Variants in CACNG3 observed in about 807,000 individuals in gnomAD.
The protein encoded by CACNG3 is voltage-dependent calcium channel gamma-3 subunit.
CACNG3 carries 3 observed loss-of-function variants against 28.5 expected under a neutral mutation model. The observed-to-expected ratio is 0.11, with a 90% CI of 0.05 to 0.27. The LOEUF is 0.27. CACNG3 is among the 10% of genes least tolerant of loss of function. The pLI is 1.00. For missense variants in CACNG3, 236 were observed against 414.4 expected, an observed-to-expected ratio of 0.57 and a Z score of 3.74; for synonymous variants, 174 against 162.2, an observed-to-expected ratio of 1.07 and a Z score of -0.55.
At chr16:24,352,115 G>A (rs532057180) in intron 2 of CACNG3, among the ~76,000 whole-genome samples, 2 of 150,468 alleles carry the variant, frequency 1.3e-5, no homozygotes, top group African/African-American at 4.9e-5. Flanking sequence ...AGGCCCACAG[G>A]TTAAATAAGT....
At chr16:24,332,903 G>A (rs1215503741) in intron 1 of CACNG3, among the ~76,000 whole-genome samples, 1 of 152,106 alleles carries the variant, frequency 6.6e-6, no homozygotes, top group Non-Finnish European at 1.5e-5. Context: ...AACGAAAATA[G>A]GAGGCAAAAC....
intron 2 of CACNG3, among the ~76,000 whole-genome samples, chr16:24,348,651 G>A (rs989781077): frequency 6.6e-6 from 1 of 152,156 alleles, no homozygotes; most frequent in Non-Finnish European, 1.5e-5. Context: ...AAAAGATTCA[G>A]TGTGGAGAGC....
At chr16:24,306,344 AG>A (rs1395193860) in intron 1 of CACNG3, among the ~76,000 whole-genome samples, 15 of 152,182 alleles carry the variant, frequency 9.9e-5, no homozygotes, top group African/African-American at 3.1e-4. Flanking sequence ...CAAGGTGAAA[AG>A]GCTGAACGGT....
chr16:24,340,152 T>A (rs928094574), intron 1 of CACNG3, among the ~76,000 whole-genome samples: 6 of 152,068 alleles, frequency 3.9e-5, no homozygotes, highest in African/African-American at 1.4e-4. Context: ...ACACCTCTAG[T>A]CCCAGCTACA....
At chr16:24,358,875 G>T (rs1900070065) in intron 3 of CACNG3, among the ~76,000 whole-genome samples, 1 of 152,116 alleles carries the variant, frequency 6.6e-6, no homozygotes, top group Non-Finnish European at 1.5e-5. Context: ...TTCCCCATCT[G>T]TAAAAGAGAA....
chr16:24,348,724 C>T (rs1186660617), intron 2 of CACNG3, among the ~76,000 whole-genome samples: 1 of 152,206 alleles, frequency 6.6e-6, no homozygotes, highest in African/African-American at 2.4e-5. Context: ...AGATCACTTG[C>T]ATCTTCTCAA....
chr16:24,325,825 G>C (rs146471549), intron 1 of CACNG3, among the ~76,000 whole-genome samples: 1 of 152,354 alleles, frequency 6.6e-6, no homozygotes, highest in East Asian at 1.9e-4. Flanking sequence ...GGTAGGTGCT[G>C]CTGTTCCAAA....
chr16:24,344,058 C>A (rs964542410), intron 1 of CACNG3, among the ~76,000 whole-genome samples: 1 of 151,910 alleles, frequency 6.6e-6, no homozygotes, highest in Admixed American at 6.6e-5. Flanking sequence ...CCAGTCTGGG[C>A]GAGATTCCGT....
intron 1 of CACNG3, among the ~76,000 whole-genome samples, chr16:24,315,638 T>TTCTCTC (rs981556249): frequency 6.7e-6 from 1 of 149,890 alleles, no homozygotes; most frequent in African/African-American, 2.5e-5. Flanking sequence ...CTCTCTTCCT[T>TTCTCTC]TCTCTCTCTC....
Position 24,284,442 on chromosome 16 carries a change from T to C in CACNG3, c.211+27477T>C, listed in dbSNP as rs182085860. On this transcript the variant is annotated intron_variant, in intron 1 of 3. Coordinates refer to ENST00000005284, the MANE Select transcript of CACNG3 (RefSeq NM_006539.4). ...TACTCATAGAAATGTAAAAATGTTT[T>C]AGTCTAGGGTTAAATAGTGTGATTG... Among the ~76,000 whole-genome samples, 40 of 152,328 alleles carry C rather than the reference T, an allele frequency of 2.6e-4. 2 individuals are homozygous for C. The highest frequency in any genetic ancestry group is 5.3e-4 in the Non-Finnish European group (36 of 68,024).
At position 24,361,540 on chromosome 16, in the gene CACNG3, G is replaced by T. The variant is rs1463552275; in HGVS notation, c.625G>T (p.Ala209Ser). The change falls in exon 4 of 4, where the codon GCC becomes TCC. Residue 209 changes from alanine (A) to serine (S), a missense_variant. Around this residue, in one of 2 missense-constraint regions of CACNG3, gnomAD observed 116 missense variants for 151.0 expected, o/e 0.77. Coordinates refer to ENST00000005284, the MANE Select transcript of CACNG3 (RefSeq NM_006539.4). The surrounding 1 kb of genome is among the most constrained non-coding windows in gnomAD (Gnocchi z 6.8). ...TATTGAAAAACATCAGCAGTTACGA[G>T]CCAAATCCCACTCGGAGTTCCTGAA... Reference protein sequence around the residue: ...IYIEKHQQLRAKSHSEFLKKS... With the variant: ...IYIEKHQQLRSKSHSEFLKKS... The T allele has an allele frequency of 1.2e-6, 2 of 1,614,026 alleles. No homozygotes were observed. Among genetic ancestry groups the T allele is most frequent in the Non-Finnish European group, 1.7e-6 (2 of 1,180,000 alleles).
chr16:24,346,846 T>C, intron 2 of CACNG3, 29 bp downstream of exon 2: 1 of 1,571,536 alleles, frequency 6.4e-7, no homozygotes, highest in Non-Finnish European at 8.8e-7. Context: ...CGGGTCTCTC[T>C]GGGAGGAAGG....
chr16:24,340,984 C>T (rs1276316869), intron 1 of CACNG3, among the ~76,000 whole-genome samples: 2 of 152,250 alleles, frequency 1.3e-5, no homozygotes, highest in Non-Finnish European at 2.9e-5. Flanking sequence ...TCTCTGCATC[C>T]TGACTTCATC....
At chr16:24,290,635 C>T (rs552856446) in intron 1 of CACNG3, among the ~76,000 whole-genome samples, 6 of 152,238 alleles carry the variant, frequency 3.9e-5, no homozygotes, top group Admixed American at 3.3e-4. Flanking sequence ...GATGGAGTCT[C>T]GCTATGTTCC....
intron 1 of CACNG3, among the ~76,000 whole-genome samples, chr16:24,288,923 C>T (rs1332278268): frequency 6.6e-6 from 1 of 152,102 alleles, no homozygotes; most frequent in African/African-American, 2.4e-5. Context: ...GAGAACTGAT[C>T]TCTTGCCTGA....
intron 2 of CACNG3, among the ~76,000 whole-genome samples, chr16:24,350,780 G>A (rs1265057656): frequency 6.6e-6 from 1 of 152,092 alleles, no homozygotes; most frequent in Admixed American, 6.6e-5. Context: ...CAATGCAAAT[G>A]ATCCCTTTAA....
intron 1 of CACNG3, among the ~76,000 whole-genome samples, chr16:24,312,437 C>G (rs1469025987): frequency 6.6e-6 from 1 of 152,106 alleles, no homozygotes; most frequent in Non-Finnish European, 1.5e-5. Flanking sequence ...AGTTCCTTAT[C>G]CTCTCTGTGC....
intron 1 of CACNG3, 113 bp from the exon 2 acceptor site, chr16:24,346,621 C>G (rs1309979255): frequency 9.0e-5 from 64 of 709,460 alleles, no homozygotes; most frequent in South Asian, 8.5e-4. Flanking sequence ...GCCCAACAAC[C>G]CTACAGCCCC....
intron 2 of CACNG3, among the ~76,000 whole-genome samples, chr16:24,352,938 T>C (rs1173704118): frequency 6.6e-6 from 1 of 152,208 alleles, no homozygotes; most frequent in Non-Finnish European, 1.5e-5. Flanking sequence ...CTTGAAATTC[T>C]TAACAATTCT....
Sources: gnomAD v4.1 joint callset for allele counts (sites outside exome capture counted in the v4.1 genomes callset) on GRCh38, gnomAD v4.1.1 for gene constraint, gnomAD v4.1.1 regional missense constraint, Gnocchi (gnomAD v3.1) non-coding constraint, MANE v1.5 for transcripts, NCBI Gene and HGNC (gene_info 2026-07-23, HGNC 2026-07-21) for gene names.